IPO8: variants seen among roughly 807,000 people sequenced by gnomAD.
IPO8 encodes the protein importin-8.
A neutral mutation model predicts 141.2 loss-of-function variants in IPO8; 65 were observed. The observed-to-expected ratio is 0.46, with a 90% CI of 0.38 to 0.57. IPO8 has a LOEUF of 0.57. Ranked by LOEUF, IPO8 falls within the 20% of genes least tolerant of loss-of-function variation. The pLI is 0.00. For synonymous variants in IPO8, 411 were observed against 420.3 expected, an observed-to-expected ratio of 0.98 and a Z score of 0.27; for missense variants, 980 against 1,246.8, an observed-to-expected ratio of 0.79 and a Z score of 3.22.
At chr12:30,648,526 AAAT>A in intron 20 of IPO8, among the ~76,000 whole-genome samples, 1 of 152,340 alleles carries the variant, frequency 6.6e-6, no homozygotes, top group African/African-American at 2.4e-5. Flanking sequence ...TATACACTTT[AAAT>A]GGATGAAATG....
intron 10 of IPO8, 76 bp downstream of exon 10, chr12:30,669,107 T>G: frequency 1.6e-6 from 1 of 616,976 alleles, no homozygotes; most frequent in Non-Finnish European, 2.7e-6. Flanking sequence ...GTAATAACAT[T>G]TGCTTAAAAA....
At chr12:30,676,623 TC>T (rs759189931) in intron 5 of IPO8, 36 bp from the exon 6 acceptor site, 1 of 1,455,694 alleles carries the variant, frequency 6.9e-7, no homozygotes, top group South Asian at 1.1e-5. Context: ...CAGTAATTCC[TC>T]CCATCCAAAA....
intron 21 of IPO8, among the ~76,000 whole-genome samples, chr12:30,638,593 C>A (rs1411916248): frequency 1.3e-5 from 2 of 152,174 alleles, no homozygotes; most frequent in Non-Finnish European, 2.9e-5. Flanking sequence ...ACAGCTAGCT[C>A]AATTTCTAGC....
chr12:30,693,053 T>A (rs1261192980), intron 1 of IPO8, among the ~76,000 whole-genome samples: 1 of 152,222 alleles, frequency 6.6e-6, no homozygotes, highest in African/African-American at 2.4e-5. Flanking sequence ...AAATTGCATG[T>A]ACACATGCAT....
At chr12:30,665,029 T>G (rs1431177028) in intron 13 of IPO8, among the ~76,000 whole-genome samples, 191 bp downstream of exon 13, 1 of 152,210 alleles carries the variant, frequency 6.6e-6, no homozygotes, top group Non-Finnish European at 1.5e-5. Context: ...CATGAGCCAC[T>G]GCGCCCAGCC....
chr12:30,676,804 G>T, intron 5 of IPO8: 2 of 933,352 alleles, frequency 2.1e-6, no homozygotes, highest in Non-Finnish European at 3.3e-6. Flanking sequence ...GTTGTTTCTT[G>T]GGTCTACTTT....
intron 8 of IPO8, among the ~76,000 whole-genome samples, chr12:30,671,671 C>CAT (rs2053052772): frequency 1.9e-5 from 2 of 105,142 alleles, no homozygotes; most frequent in Non-Finnish European, 3.7e-5. Flanking sequence ...CGAGACTCTG[C>CAT]CTCAAAAAAA....
chr12:30,676,609 T>C (rs777102134), intron 5 of IPO8, 22 bp from the exon 6 acceptor site: 1 of 1,526,770 alleles, frequency 6.5e-7, no homozygotes, highest in South Asian at 1.1e-5. Context: ...AAGAACAACA[T>C]GAACAGTAAT....
At chr12:30,675,184 T>C (rs991662606) in intron 6 of IPO8, among the ~76,000 whole-genome samples, 2 of 152,222 alleles carry the variant, frequency 1.3e-5, no homozygotes, top group Non-Finnish European at 2.9e-5. Context: ...GAAATAATAC[T>C]GCACATTTTA....
intron 5 of IPO8, among the ~76,000 whole-genome samples, chr12:30,679,987 T>A (rs1314181821): frequency 6.9e-6 from 1 of 144,590 alleles, no homozygotes; most frequent in Non-Finnish European, 1.5e-5. Flanking sequence ...AGCATTCAGA[T>A]TTTTTTTTTT....
chr12:30,684,895 G>A (rs1009907755), intron 2 of IPO8, among the ~76,000 whole-genome samples: 8 of 151,562 alleles, frequency 5.3e-5, no homozygotes, highest in Non-Finnish European at 8.8e-5. Context: ...TTATAGTATT[G>A]GTAATTTTCA....
At chr12:30,670,821 T>C (rs2053036264) in intron 9 of IPO8, 141 bp downstream of exon 9, 4 of 610,860 alleles carry the variant, frequency 6.5e-6, no homozygotes, top group Admixed American at 3.4e-5. Context: ...ATATCTGACA[T>C]AGGACTTCAC....
intron 16 of IPO8, among the ~76,000 whole-genome samples, chr12:30,660,452 T>C (rs184280720): frequency 2.0e-5 from 3 of 152,306 alleles, no homozygotes; most frequent in Non-Finnish European, 2.9e-5. Context: ...CAAACCCAAA[T>C]GTACAACTTA....
Position 30,671,007 on chromosome 12 carries a change from C to G in IPO8, c.999G>C (p.Gly333=), listed in dbSNP as rs1230856261. The change falls in exon 9 of 25, where the codon GGG becomes GGC. Residue 333 remains glycine (G), a synonymous_variant. Coordinates refer to ENST00000256079, the MANE Select transcript of IPO8 (RefSeq NM_006390.4). ...GCTTCCAGGTTATAGAATGAACCAC[C>G]CCTTGGTTGAGATAGTTGAATGCTT... ...LQQAFNYLNQ[G]VVHSITWKQM... 1 of 1,613,434 alleles carries G rather than the reference C, an allele frequency of 6.2e-7. No homozygotes were observed. Among genetic ancestry groups the G allele is most frequent in the South Asian group, 1.1e-5 (1 of 91,062 alleles).
intron 20 of IPO8, among the ~76,000 whole-genome samples, chr12:30,648,016 T>C (rs554407685): frequency 6.6e-6 from 1 of 152,212 alleles, no homozygotes; most frequent in East Asian, 1.9e-4. Flanking sequence ...GAATGGAAAA[T>C]GGTGCAGCTG....
At chr12:30,655,960 A>G (rs2052793813) in intron 17 of IPO8, among the ~76,000 whole-genome samples, 1 of 152,216 alleles carries the variant, frequency 6.6e-6, no homozygotes, top group South Asian at 2.1e-4. Flanking sequence ...CCTCCTCTAC[A>G]AAATTCCCAT....
At position 30,630,443 on chromosome 12, in the gene IPO8, T is replaced by TA. The variant is rs1333651822; in HGVS notation, c.*416dup. 5.0e-5 allele frequency: 8 copies of TA among 160,666 alleles called. No individual in the cohort carries two copies. The highest frequency in any genetic ancestry group is 1.3e-4 in the Admixed American group (2 of 15,544). 10.0% of individuals were successfully genotyped at this position (160,666 alleles called of 1,614,324 possible). On this transcript the variant is annotated 3_prime_UTR_variant, in exon 25 of 25. Coordinates refer to ENST00000256079, the MANE Select transcript of IPO8 (RefSeq NM_006390.4). ...GTATCTAGAAATATGTTTTATGCTT[T>TA]AAAAAAAATTGCAATGCACTCCAAA...
intron 3 of IPO8, among the ~76,000 whole-genome samples, chr12:30,682,793 A>T (rs762701337): frequency 5.9e-5 from 9 of 152,170 alleles, no homozygotes; most frequent in Non-Finnish European, 1.2e-4. Flanking sequence ...GGTAAAATTA[A>T]ACAAAATGAT....
intron 4 of IPO8, 75 bp downstream of exon 4, chr12:30,681,584 C>A: frequency 7.1e-7 from 1 of 1,399,894 alleles, no homozygotes; most frequent in Non-Finnish European, 9.9e-7. Context: ...ACATCCACAA[C>A]AGACCACTCT....
Sources: allele counts gnomAD v4.1 joint callset (sites outside exome capture counted in the v4.1 genomes callset), GRCh38; gene constraint gnomAD v4.1.1; transcripts MANE v1.5; gene names NCBI Gene and HGNC (gene_info 2026-07-23, HGNC 2026-07-21).